The following USP15 variants were observed in gnomAD, a reference collection of about 807,000 sequenced individuals.
USP15 encodes the protein ubiquitin specific peptidase 15.
USP15 carries 18 observed loss-of-function variants against 127.1 expected under a neutral mutation model. The ratio of observed to expected loss-of-function variants is 0.14; its 90% CI spans 0.10 to 0.21. The LOEUF is 0.21. Ranked by LOEUF, USP15 falls within the 10% of genes least tolerant of loss-of-function variation. The pLI is 1.00. For missense variants in USP15, 805 were observed against 1,159.9 expected, an observed-to-expected ratio of 0.69 and a Z score of 4.44; for synonymous variants, 364 against 393.7, an observed-to-expected ratio of 0.92 and a Z score of 0.89.
chr12:62,311,823 A>G (rs1237116025), intron 3 of USP15, among the ~76,000 whole-genome samples: 2 of 151,762 alleles, frequency 1.3e-5, no homozygotes, highest in African/African-American at 4.8e-5. Flanking sequence ...CAATATATGG[A>G]CCTTATTTGG....
At position 62,278,401 on chromosome 12, in the gene USP15, TTTA is replaced by T. The variant is rs1053976471; in HGVS notation, c.90-15772_90-15770del. Among the ~76,000 whole-genome samples, 15 of 152,198 alleles carry T rather than the reference TTTA, an allele frequency of 9.9e-5. 1 individual carries two copies. The highest frequency in any genetic ancestry group is 3.6e-4 in the African/African-American group (15 of 41,450). On this transcript the variant is annotated intron_variant, in intron 1 of 21. Coordinates refer to ENST00000280377, the MANE Select transcript of USP15 (RefSeq NM_001252078.2). ...TAAATACATAAACTCATAACAGTTG[TTTA>T]TTATTGTCAAGTATTATATGCTGTA...
chr12:62,391,811 C>T lies in USP15; in HGVS notation c.2234-5C>T, dbSNP rs2067334221. On this transcript the variant is annotated splice_region_variant and splice_polypyrimidine_tract_variant and intron_variant, in intron 16 of 21. Transcript: ENST00000280377. ...TTTAAAGAAAAAATATGTTTTCCACCTTAGAAAGATCTTTTCTTGCTTTGG... is the reference window on the plus strand; with the variant it reads ...TTTAAAGAAAAAATATGTTTTCCACTTTAGAAAGATCTTTTCTTGCTTTGG... The T allele has an allele frequency of 6.3e-7, 1 of 1,598,756 alleles. No homozygotes were observed.
intron 6 of USP15, chr12:62,328,313 C>T: frequency 2.2e-6 from 1 of 454,310 alleles, no homozygotes; most frequent in Non-Finnish European, 4.4e-6. Flanking sequence ...CATATGGTCT[C>T]TGTCATAACT....
At chr12:62,332,623 T>C (rs1275770678) in intron 6 of USP15, among the ~76,000 whole-genome samples, 1 of 152,060 alleles carries the variant, frequency 6.6e-6, no homozygotes, top group Non-Finnish European at 1.5e-5. Context: ...AAGTATTGGG[T>C]GGAAAAAAAA....
At chr12:62,352,831 CA>C (rs10541315) in intron 7 of USP15, among the ~76,000 whole-genome samples, 77,331 of 151,480 alleles carry the variant, frequency 0.51, 20,072 homozygotes, top group East Asian at 0.56. Context: ...TTCAATTTCA[CA>C]AAAAAAAAGT....
At chr12:62,389,563 A>G (rs1278992697) in intron 12 of USP15, 42 bp from the exon 13 acceptor site, 2 of 1,610,526 alleles carry the variant, frequency 1.2e-6, no homozygotes, top group African/African-American at 2.7e-5. Context: ...TTAGTTTCTC[A>G]GTGCTGTAAA....
chr12:62,278,419 T>C (rs1385309041), intron 1 of USP15, among the ~76,000 whole-genome samples: 1 of 152,236 alleles, frequency 6.6e-6, no homozygotes, highest in Non-Finnish European at 1.5e-5. Context: ...TGTCAAGTAT[T>C]ATATGCTGTA....
intron 1 of USP15, among the ~76,000 whole-genome samples, chr12:62,286,882 A>AGCTGAGATC (rs1170075864): frequency 6.6e-6 from 1 of 151,516 alleles, no homozygotes; most frequent in Non-Finnish European, 1.5e-5. Flanking sequence ...AGTTGCGGTG[A>AGCTGAGATC]GCTGAGATCG....
chr12:62,356,918 A>G (rs1418092712), intron 8 of USP15, among the ~76,000 whole-genome samples: 1 of 151,982 alleles, frequency 6.6e-6, no homozygotes, highest in Middle Eastern at 3.2e-3. Context: ...AACATGTTTT[A>G]TGTAAATTGT....
At chr12:62,266,400 C>T (rs1433642377) in intron 1 of USP15, among the ~76,000 whole-genome samples, 22 of 152,090 alleles carry the variant, frequency 1.4e-4, no homozygotes, top group Admixed American at 1.4e-3. Context: ...AATATGAATG[C>T]ATTATTATGT....
chr12:62,305,615 A>C (rs914112680), intron 3 of USP15: 1 of 152,206 alleles, frequency 6.6e-6, no homozygotes, highest in Admixed American at 6.5e-5. Flanking sequence ...ACAAAATGTA[A>C]ATGTTGTGAG....
chr12:62,384,275 A>G lies in USP15; in HGVS notation c.1446A>G (p.Arg482=). The G allele has an allele frequency of 6.2e-7, 1 of 1,610,674 alleles. No homozygotes were observed. The change falls in exon 11 of 22, where the codon AGA becomes AGG. Residue 482 remains arginine (R), a synonymous_variant. Coordinates refer to ENST00000280377, the MANE Select transcript of USP15 (RefSeq NM_001252078.2). The part of the protein sequence containing the change: ...KERTLEVYLV[R]MDPLTKPMQY... ...GCACCTTGGAAGTTTACTTAGTTAG[A>G]ATGGATCCACTTACCAAACCTATGC...
rs928076894 is a variant in USP15, at chr12:62,409,759, A to G, written c.*5384A>G. ...CAATGTGTATTATTACATTATTCTC[A>G]GTAATGACACATACTTAACATTTCC... On this transcript the variant is annotated 3_prime_UTR_variant, in exon 22 of 22. Coordinates refer to ENST00000280377, the MANE Select transcript of USP15 (RefSeq NM_001252078.2). The G allele has an allele frequency of 6.6e-6, 1 of 152,196 alleles. No individual in the cohort carries two copies. Among genetic ancestry groups the G allele is most frequent in the Non-Finnish European group, 1.5e-5 (1 of 68,012 alleles). The allele number at this position is 152,196 out of a possible 1,614,324, so 9.4% of individuals were successfully genotyped here. A position where few individuals can be genotyped will look rare whatever the true frequency, so the allele number is the denominator to read the frequency against.
At chr12:62,336,517 A>G (rs958951113) in intron 6 of USP15, 2 of 980,440 alleles carry the variant, frequency 2.0e-6, no homozygotes, top group South Asian at 4.7e-5. Context: ...AAATTATTAA[A>G]GATCCAAAGA....
intron 1 of USP15, among the ~76,000 whole-genome samples, chr12:62,271,274 G>GAAT (rs2063340109): frequency 6.6e-6 from 1 of 152,004 alleles, no homozygotes; most frequent in Admixed American, 6.6e-5. Context: ...AATTATTTAT[G>GAAT]AGTCTTTGTG....
intron 6 of USP15, among the ~76,000 whole-genome samples, chr12:62,341,125 G>T (rs1314422203): frequency 6.6e-6 from 1 of 152,008 alleles, no homozygotes; most frequent in African/African-American, 2.4e-5. Flanking sequence ...TTACCGTTAT[G>T]TAATGCCCTT....
intron 6 of USP15, among the ~76,000 whole-genome samples, chr12:62,338,229 A>C (rs1459762391): frequency 6.6e-6 from 1 of 152,202 alleles, no homozygotes; most frequent in African/African-American, 2.4e-5. Context: ...TCTAATGACC[A>C]GTGATGAAGA....
intron 1 of USP15, among the ~76,000 whole-genome samples, chr12:62,266,322 A>C (rs1224065542): frequency 6.6e-6 from 1 of 152,184 alleles, no homozygotes; most frequent in Non-Finnish European, 1.5e-5. Flanking sequence ...GTTTACTATA[A>C]GCCACAAATA....
intron 2 of USP15, among the ~76,000 whole-genome samples, chr12:62,298,235 C>G (rs1227158275): frequency 6.6e-6 from 1 of 152,150 alleles, no homozygotes; most frequent in Non-Finnish European, 1.5e-5. Flanking sequence ...TAAAGACATA[C>G]TGGCTGAGGC....
Sources: allele counts gnomAD v4.1 joint callset (sites outside exome capture counted in the v4.1 genomes callset), GRCh38; gene constraint gnomAD v4.1.1; transcripts MANE v1.5; gene names NCBI Gene and HGNC (gene_info 2026-07-23, HGNC 2026-07-21).